The following CDH23 variants were observed in gnomAD, a reference collection of about 807,000 sequenced individuals.
The protein encoded by CDH23 is cadherin-23.
Under a neutral mutation model 317.1 loss-of-function variants are expected in CDH23, and 189 were observed. The observed-to-expected ratio is 0.60, with a 90% CI of 0.53 to 0.67. The LOEUF (loss-of-function observed/expected upper bound fraction) is 0.67, where lower values mean the gene tolerates loss of function less well. Among genes scored for constraint, CDH23 ranks in the 30% least tolerant of loss-of-function variants. The probability of loss-of-function intolerance (pLI) is 0.00; values close to 1 mark genes in which losing one functional copy is unlikely to be tolerated. For synonymous variants in CDH23, 1,839 were observed against 1,876.8 expected, an observed-to-expected ratio of 0.98 and a Z score of 0.52; for missense variants, 4,401 against 4,592.4, an observed-to-expected ratio of 0.96 and a Z score of 1.20.
At chr10:71,405,814 G>A (rs1848070488) in intron 1 of CDH23, among the ~76,000 whole-genome samples, 1 of 152,102 alleles carries the variant, frequency 6.6e-6, no homozygotes, top group South Asian at 2.1e-4. Context: ...CATCCTGTCT[G>A]TGCTTTAAGA....
intron 3 of CDH23, among the ~76,000 whole-genome samples, chr10:71,466,371 T>G (rs1042942912): frequency 6.6e-6 from 1 of 152,160 alleles, no homozygotes; most frequent in Non-Finnish European, 1.5e-5. Context: ...TGTGCTCATG[T>G]GTGTCCCTGC....
At chr10:71,583,036 G>A (rs1418349146) in intron 9 of CDH23, among the ~76,000 whole-genome samples, 1 of 152,264 alleles carries the variant, frequency 6.6e-6, no homozygotes, top group East Asian at 1.9e-4. Context: ...TCCTTGGGAG[G>A]GGGTGCCTCA....
chr10:71,803,197 T>C lies in CDH23; in HGVS notation c.7661-12T>C, dbSNP rs752823871. On this transcript the variant is annotated splice_polypyrimidine_tract_variant and intron_variant, in intron 54 of 69. Coordinates refer to ENST00000224721, the MANE Select transcript of CDH23 (RefSeq NM_022124.6). ...GTCTCAACCAGAGCTACTCTCCTGC[T>C]CCCACTGCCAGAGGCCTTCCATGTG... 3 of 1,609,522 alleles carry C rather than the reference T, an allele frequency of 1.9e-6. No individual in the cohort carries two copies. In the South Asian group the frequency reaches 3.3e-5, roughly 18 times the overall value.
chr10:71,486,493 C>G (rs760119257), intron 3 of CDH23, among the ~76,000 whole-genome samples: 1 of 151,682 alleles, frequency 6.6e-6, no homozygotes, highest in Non-Finnish European at 1.5e-5. Context: ...GACAGGGGCT[C>G]GAGGGGACAC....
chr10:71,799,318 G>A (rs368192622), intron 51 of CDH23, 38 bp downstream of exon 51: 23 of 1,613,320 alleles, frequency 1.4e-5, no homozygotes, highest in African/African-American at 6.7e-5. Flanking sequence ...CAGGACCTGC[G>A]CCCATTCCTT....
In CDH23 at chr10:71,566,734, A is replaced by G. The variant is rs1324089991; in HGVS notation, c.430-8A>G. 3 of 1,583,798 alleles carry G rather than the reference A, an allele frequency of 1.9e-6. No homozygotes were observed. The highest frequency in any genetic ancestry group is 1.1e-5 in the South Asian group (1 of 87,146). On this transcript the variant is annotated splice_region_variant and splice_polypyrimidine_tract_variant and intron_variant, in intron 6 of 69. Coordinates refer to ENST00000224721, the MANE Select transcript of CDH23 (RefSeq NM_022124.6). ...TCACCCTTGTACTTGCTTTGCTCTC[A>G]TCCCCAGAATACACCAGTGGGGACG...
intron 68 of CDH23, 68 bp from the exon 69 acceptor site, chr10:71,813,176 G>A (rs1332425351): frequency 8.4e-6 from 12 of 1,425,974 alleles, no homozygotes; most frequent in Non-Finnish European, 1.2e-5. Flanking sequence ...TACTCCCAGA[G>A]GGAGTGGGCG....
chr10:71,542,661 C>T (rs1390926160), intron 6 of CDH23, among the ~76,000 whole-genome samples: 2 of 152,208 alleles, frequency 1.3e-5, no homozygotes, highest in Non-Finnish European at 2.9e-5. Flanking sequence ...CCAGCCAAGA[C>T]CTGGCTGCTG....
intron 38 of CDH23, among the ~76,000 whole-genome samples, chr10:71,757,998 A>G (rs1422669710): frequency 1.3e-5 from 2 of 152,064 alleles, no homozygotes; most frequent in Non-Finnish European, 2.9e-5. Context: ...ATGTTATTTC[A>G]TAGTCAAGCT....
chr10:71,635,994 CATGACCTA>C (rs1415653590), intron 11 of CDH23, among the ~76,000 whole-genome samples: 1 of 152,036 alleles, frequency 6.6e-6, no homozygotes, highest in Non-Finnish European at 1.5e-5. Context: ...ACTCTGCACT[CATGACCTA>C]ATCACCTCCC....
At chr10:71,687,819 G>A in intron 19 of CDH23, 100 bp downstream of exon 19, 3 of 1,093,016 alleles carry the variant, frequency 2.7e-6, no homozygotes, top group East Asian at 5.1e-5. Flanking sequence ...ACAAATTGTG[G>A]GAGGTCCATG....
chr10:71,434,538 G>A (rs887718627), intron 1 of CDH23, among the ~76,000 whole-genome samples: 1 of 152,126 alleles, frequency 6.6e-6, no homozygotes, highest in African/African-American at 2.4e-5. Flanking sequence ...GGGGGCAGGG[G>A]TGATTCCTAT....
chr10:71,599,738 A>G (rs1015139986), intron 9 of CDH23, among the ~76,000 whole-genome samples: 1 of 152,214 alleles, frequency 6.6e-6, no homozygotes, highest in African/African-American at 2.4e-5. Flanking sequence ...AGGAGTCCAG[A>G]CTTGAGCCAG....
intron 26 of CDH23, 159 bp downstream of exon 26, chr10:71,707,208 T>C (rs1470271859): frequency 1.3e-6 from 2 of 1,497,836 alleles, no homozygotes; most frequent in Non-Finnish European, 1.8e-6. Flanking sequence ...CCCGAGGATT[T>C]GCTCCTGGCT....
At chr10:71,678,805 T>A (rs1864483716) in intron 16 of CDH23, among the ~76,000 whole-genome samples, 1 of 152,222 alleles carries the variant, frequency 6.6e-6, no homozygotes, top group Non-Finnish European at 1.5e-5. Context: ...TCCTCCTTGC[T>A]TTCATGCAAC....
At position 71,805,955 on chromosome 10, in the gene CDH23, G is replaced by A. The variant is rs201733315; in HGVS notation, c.8022G>A (p.Gln2674=). 7.1e-3 allele frequency: 11,452 copies of A among 1,612,308 alleles called. 37 individuals carry two copies. The highest frequency in any genetic ancestry group is 8.6e-3 in the Non-Finnish European group (10,162 of 1,179,328). ...FIIDPISGLI[Q]TAQRLDRESQ... Reference sequence around the variant, plus strand: ...TCGACCCAATCAGCGGCCTCATCCAGACTGCTCAGCGCCTGGACCGCGAGT... The same window carrying A: ...TCGACCCAATCAGCGGCCTCATCCAAACTGCTCAGCGCCTGGACCGCGAGT... The change falls in exon 56 of 70, where the codon CAG becomes CAA. Residue 2674 remains glutamine, a synonymous_variant. Coordinates refer to ENST00000224721, the MANE Select transcript of CDH23 (RefSeq NM_022124.6).
chr10:71,416,242 CT>C (rs1848527753), intron 1 of CDH23, among the ~76,000 whole-genome samples: 1 of 152,168 alleles, frequency 6.6e-6, no homozygotes, highest in Non-Finnish European at 1.5e-5. Flanking sequence ...CCAGGTTGCT[CT>C]AGAACTCCTG....
In CDH23 at chr10:71,785,760, G is replaced by A. The variant is rs772364947; in HGVS notation, c.5820+22G>A. The A allele has an allele frequency of 4.8e-6, 7 of 1,462,796 alleles. No individual in the cohort carries two copies. The African/African-American group carries it at 9.7e-5, about 20-fold the overall frequency. The allele number at this position is 1,462,796 out of a possible 1,614,324, so 90.6% of individuals were successfully genotyped here. ...GAGGGTGAGACTGGAGGGCACTGGT[G>A]GGAGTGGGCTGGGAGCTAGAGGCGC... On this transcript the variant is annotated intron_variant, in intron 44 of 69. Transcript: ENST00000224721.
chr10:71,751,973 A>T lies in CDH23; in HGVS notation c.4845+10052A>T. ...TTCTCTCACCTACATCCCCATCCCC[A>T]AGCCTCAGCAGCATCTCCAAGCAAG... On this transcript the variant is annotated intron_variant, in intron 38 of 69. Coordinates refer to ENST00000224721, the MANE Select transcript of CDH23 (RefSeq NM_022124.6). This position sits in a 1 kb window ranked among gnomAD's most constrained non-coding sequence, Gnocchi z 4.9. 8.7e-7 allele frequency: 1 copy of T among 1,155,794 alleles called. No individual in the cohort carries two copies. The highest frequency in any genetic ancestry group is 1.2e-6 in the Non-Finnish European group (1 of 801,250). 71.6% of individuals were successfully genotyped at this position (1,155,794 alleles called of 1,614,324 possible).
Sources: allele counts gnomAD v4.1 joint callset (sites outside exome capture counted in the v4.1 genomes callset), GRCh38; gene constraint gnomAD v4.1.1; non-coding constraint Gnocchi (gnomAD v3.1); transcripts MANE v1.5; gene names NCBI Gene and HGNC (gene_info 2026-07-23, HGNC 2026-07-21).